The following FOXO1 variants were observed in gnomAD, a reference collection of about 807,000 sequenced individuals.
FOXO1 encodes the protein forkhead box O1.
A neutral mutation model predicts 44.1 loss-of-function variants in FOXO1; 6 were observed. The ratio of observed to expected loss-of-function variants is 0.14; its 90% CI spans 0.07 to 0.27. FOXO1 has a LOEUF of 0.27. Among genes scored for constraint, FOXO1 ranks in the 10% least tolerant of loss-of-function variants. The probability of loss-of-function intolerance (pLI) is 1.00; values close to 1 mark genes in which losing one functional copy is unlikely to be tolerated. For synonymous variants in FOXO1, 380 were observed against 362.7 expected, an observed-to-expected ratio of 1.05 and a Z score of -0.54; for missense variants, 737 against 888.8, an observed-to-expected ratio of 0.83 and a Z score of 2.17.
At chr13:40,607,879 T>A (rs1876077668) in intron 1 of FOXO1, among the ~76,000 whole-genome samples, 1 of 152,248 alleles carries the variant, frequency 6.6e-6, no homozygotes, top group Non-Finnish European at 1.5e-5. Context: ...CAGAAACAGG[T>A]TACATGAATT....
intron 1 of FOXO1, among the ~76,000 whole-genome samples, chr13:40,656,950 C>A (rs1877877657): frequency 6.6e-6 from 1 of 151,974 alleles, no homozygotes; most frequent in Admixed American, 6.6e-5. Context: ...CCCGCCTCAG[C>A]CTCCCGAGTA....
At chr13:40,631,241 G>A (rs1876952612) in intron 1 of FOXO1, among the ~76,000 whole-genome samples, 1 of 152,122 alleles carries the variant, frequency 6.6e-6, no homozygotes, top group South Asian at 2.1e-4. Flanking sequence ...CCAACAACTA[G>A]AGCTTAAGTT....
chr13:40,616,323 G>A (rs1011826980), intron 1 of FOXO1, among the ~76,000 whole-genome samples: 48 of 152,124 alleles, frequency 3.2e-4, no homozygotes, highest in African/African-American at 1.2e-3. Flanking sequence ...TGCACACCCT[G>A]GCACACAACA....
At chr13:40,664,782 G>T (rs1005083795) in intron 1 of FOXO1, among the ~76,000 whole-genome samples, 1 of 151,252 alleles carries the variant, frequency 6.6e-6, no homozygotes, top group Non-Finnish European at 1.5e-5. Context: ...AAAGGCGCGG[G>T]CTTCCTGCGC....
At chr13:40,622,617 C>T (rs1054557993) in intron 1 of FOXO1, among the ~76,000 whole-genome samples, 2 of 152,132 alleles carry the variant, frequency 1.3e-5, no homozygotes, top group Admixed American at 1.3e-4. Flanking sequence ...AAGCCTCCTG[C>T]CTGCTTGACA....
At chr13:40,593,084 C>T (rs781628041) in intron 1 of FOXO1, among the ~76,000 whole-genome samples, 1 of 152,094 alleles carries the variant, frequency 6.6e-6, no homozygotes, top group Non-Finnish European at 1.5e-5. Context: ...AGTGCAGTGG[C>T]GTGATCATTG....
intron 1 of FOXO1, among the ~76,000 whole-genome samples, chr13:40,576,040 G>T (rs140356839): frequency 6.6e-6 from 1 of 152,200 alleles, no homozygotes; most frequent in African/African-American, 2.4e-5. Flanking sequence ...AATGGCTTGC[G>T]ATCTTTGGGC....
chr13:40,607,888 T>G (rs761291078), intron 1 of FOXO1, among the ~76,000 whole-genome samples: 1 of 152,252 alleles, frequency 6.6e-6, no homozygotes. Flanking sequence ...GTTACATGAA[T>G]TGCCTGGGGT....
chr13:40,574,786 T>G (rs1056977943), intron 1 of FOXO1, among the ~76,000 whole-genome samples: 1 of 152,208 alleles, frequency 6.6e-6, no homozygotes, highest in African/African-American at 2.4e-5. Flanking sequence ...CTGAACAAAG[T>G]GTAAAACAAT....
At chr13:40,586,381 T>A (rs1875166199) in intron 1 of FOXO1, among the ~76,000 whole-genome samples, 1 of 152,288 alleles carries the variant, frequency 6.6e-6, no homozygotes, top group Non-Finnish European at 1.5e-5. Flanking sequence ...TAAGAAGGGC[T>A]TAATAACAAA....
intron 1 of FOXO1, among the ~76,000 whole-genome samples, chr13:40,600,633 T>A (rs936506277): frequency 2.0e-5 from 3 of 152,194 alleles, no homozygotes; most frequent in African/African-American, 7.2e-5. Flanking sequence ...ACTTTGCAAA[T>A]TACTGTCTGG....
Position 40,666,038 on chromosome 13 carries a change from G to A in FOXO1, c.175C>T (p.Pro59Ser). Reference sequence around the variant, plus strand: ...CTGACAGCGGCAGCCGAGGCCGAGGGCAGGCCCGCCGCGGCGTCGGGGTTG... The same window carrying A: ...CTGACAGCGGCAGCCGAGGCCGAGGACAGGCCCGCCGCGGCGTCGGGGTTG... Reference protein sequence around the residue: ...AANPDAAAGLPSASAAAVSAD... With the variant: ...AANPDAAAGLSSASAAAVSAD... The change falls in exon 1 of 3, where the codon CCC (proline) becomes TCC (serine). Residue 59 changes from proline (P) to serine (S), a missense_variant. Pro to Ser is a moderately conservative substitution (Grantham distance 74). Coordinates refer to ENST00000379561, the MANE Select transcript of FOXO1 (RefSeq NM_002015.4). 4 of 1,297,676 alleles carry A rather than the reference G, an allele frequency of 3.1e-6. No individual in the cohort carries two copies. Among genetic ancestry groups the A allele is most frequent in the Non-Finnish European group, 3.9e-6 (4 of 1,026,006 alleles). The allele number at this position is 1,297,676 out of a possible 1,614,324, so 80.4% of individuals were successfully genotyped here.
At position 40,560,308 on chromosome 13, in the gene FOXO1, G is replaced by A; in HGVS notation, c.1183C>T (p.Pro395Ser). The A allele has an allele frequency of 6.2e-7, 1 of 1,614,196 alleles. No individual in the cohort carries two copies. Among genetic ancestry groups the A allele is most frequent in the Non-Finnish European group, 8.5e-7 (1 of 1,180,038 alleles). ...TSLTVSTQSSPGTMMQQTPCY... is the reference protein window; with the variant it reads ...TSLTVSTQSSSGTMMQQTPCY... ...GGCGTCTGCTGCATCATGGTGCCAGGTGAGGACTGGGTCGAAACAGTTAAT... is the reference window on the plus strand; with the variant it reads ...GGCGTCTGCTGCATCATGGTGCCAGATGAGGACTGGGTCGAAACAGTTAAT... The change falls in exon 2 of 3, where the codon CCT (proline) becomes TCT (serine). Residue 395 changes from proline to serine, a missense_variant. Pro to Ser is a moderately conservative substitution (Grantham distance 74). Transcript: ENST00000379561. The surrounding 1 kb of genome is among the most constrained non-coding windows in gnomAD (Gnocchi z 5.1).
intron 1 of FOXO1, among the ~76,000 whole-genome samples, chr13:40,609,737 G>C (rs1324849202): frequency 2.6e-5 from 4 of 152,110 alleles, no homozygotes. Flanking sequence ...TCAAGGCCCA[G>C]GATTTTAACC....
At chr13:40,606,244 T>C (rs998650796) in intron 1 of FOXO1, among the ~76,000 whole-genome samples, 1 of 152,202 alleles carries the variant, frequency 6.6e-6, no homozygotes, top group Non-Finnish European at 1.5e-5. Flanking sequence ...CAGAGCTATA[T>C]AGCCTAAAAC....
At chr13:40,602,277 T>C (rs1225875717) in intron 1 of FOXO1, among the ~76,000 whole-genome samples, 1 of 152,218 alleles carries the variant, frequency 6.6e-6, no homozygotes, top group Non-Finnish European at 1.5e-5. Flanking sequence ...ACATGTTCTA[T>C]GGCATTTAAA....
intron 1 of FOXO1, among the ~76,000 whole-genome samples, chr13:40,649,683 T>C (rs145225423): frequency 1.5e-4 from 23 of 152,344 alleles, no homozygotes; most frequent in African/African-American, 5.5e-4. Flanking sequence ...AAAAATATAA[T>C]GTATAAGGCA....
chr13:40,591,954 G>A (rs947046160), intron 1 of FOXO1, among the ~76,000 whole-genome samples: 2 of 152,040 alleles, frequency 1.3e-5, no homozygotes, highest in Admixed American at 6.6e-5. Context: ...TGATCCACCC[G>A]CCTTGACCTC....
chr13:40,665,185 G>C (rs1878185413), intron 1 of FOXO1, among the ~76,000 whole-genome samples: 2 of 151,896 alleles, frequency 1.3e-5, no homozygotes, highest in African/African-American at 2.4e-5. Context: ...CGGCCGGAGA[G>C]AACCCGCCCT....
Sources: gnomAD v4.1 joint callset for allele counts (sites outside exome capture counted in the v4.1 genomes callset) on GRCh38, gnomAD v4.1.1 for gene constraint, Gnocchi (gnomAD v3.1) non-coding constraint, MANE v1.5 for transcripts, NCBI Gene and HGNC (gene_info 2026-07-23, HGNC 2026-07-21) for gene names.